Variants in PPM1L observed in about 807,000 individuals in gnomAD.
The protein encoded by PPM1L is protein phosphatase 1L.
PPM1L carries 13 observed loss-of-function variants against 31.4 expected under a neutral mutation model. The ratio of observed to expected loss-of-function variants is 0.41; its 90% CI spans 0.27 to 0.66. The LOEUF (loss-of-function observed/expected upper bound fraction) is 0.66. Among genes scored for constraint, PPM1L ranks in the 30% least tolerant of loss-of-function variants. The pLI, the probability that PPM1L is intolerant of heterozygous loss-of-function variation, is 0.29. For synonymous variants in PPM1L, 184 were observed against 175.4 expected (o/e 1.05, Z -0.39); for missense variants, 326 against 453.7 (o/e 0.72, Z 2.56).
chr3:161,065,292 C>T (rs1719701154), intron 2 of PPM1L, 111 bp from the exon 3 acceptor site: 1 of 1,037,912 alleles, frequency 9.6e-7, no homozygotes, highest in Non-Finnish European at 1.4e-6. Context: ...GAGTCAAATT[C>T]TCACCCAGCA....
chr3:161,009,761 A>G (rs1299527472), intron 2 of PPM1L, among the ~76,000 whole-genome samples: 4 of 152,134 alleles, frequency 2.6e-5, no homozygotes. Context: ...GGAAGTGATA[A>G]AAGCAAAGCT....
At chr3:160,980,707 A>AGAAG (rs61435486) in intron 2 of PPM1L, among the ~76,000 whole-genome samples, 1 of 121,230 alleles carries the variant, frequency 8.2e-6, no homozygotes, top group Non-Finnish European at 2.0e-5. Context: ...AAAGAGAGAG[A>AGAAG]AAAAAAAAGA....
At position 161,069,271 on chromosome 3, in the gene PPM1L, A is replaced by C; in HGVS notation, c.*114A>C. 1.2e-6 allele frequency: 1 copy of C among 802,522 alleles called. No individual in the cohort carries two copies. Among genetic ancestry groups the C allele is most frequent in the South Asian group, 1.9e-5 (1 of 53,896 alleles). 49.7% of individuals were successfully genotyped at this position (802,522 alleles called of 1,614,324 possible). On this transcript the variant is annotated 3_prime_UTR_variant, in exon 4 of 4. Transcript: ENST00000498165. Reference sequence around the variant, plus strand: ...TAGGATCATCCACCCCAGACATGGAATCCCCCCTCCCTGGTGGTCTTAGGT... The same window carrying C: ...TAGGATCATCCACCCCAGACATGGACTCCCCCCTCCCTGGTGGTCTTAGGT...
At chr3:160,976,443 G>A (rs1218822877) in intron 2 of PPM1L, among the ~76,000 whole-genome samples, 1 of 145,028 alleles carries the variant, frequency 6.9e-6, no homozygotes, top group East Asian at 2.0e-4. Flanking sequence ...AGTTTCAGAA[G>A]GAATGGTACC....
chr3:160,769,284 A>G (rs1715187420), intron 1 of PPM1L, among the ~76,000 whole-genome samples: 1 of 152,188 alleles, frequency 6.6e-6, no homozygotes, highest in South Asian at 2.1e-4. Context: ...GGGTTTAGAG[A>G]ATGTTGCTTG....
intron 2 of PPM1L, among the ~76,000 whole-genome samples, chr3:161,027,131 T>C (rs936401134): frequency 1.3e-5 from 2 of 152,226 alleles, no homozygotes; most frequent in African/African-American, 4.8e-5. Flanking sequence ...CAGAGGTATA[T>C]CTAACCACAT....
chr3:161,049,950 A>G (rs1394628974), intron 2 of PPM1L, among the ~76,000 whole-genome samples: 2 of 152,118 alleles, frequency 1.3e-5, no homozygotes, highest in Non-Finnish European at 2.9e-5. Context: ...GTGTTTCATA[A>G]TCAGCCTGTT....
chr3:160,920,285 A>G (rs1306798380), intron 1 of PPM1L, among the ~76,000 whole-genome samples: 1 of 152,116 alleles, frequency 6.6e-6, no homozygotes, highest in Non-Finnish European at 1.5e-5. Flanking sequence ...AATAAGGGCC[A>G]GGCCTCTAAG....
At chr3:160,999,166 AT>A (rs1559918592) in intron 2 of PPM1L, among the ~76,000 whole-genome samples, 1 of 152,174 alleles carries the variant, frequency 6.6e-6, no homozygotes, top group Non-Finnish European at 1.5e-5. Flanking sequence ...GTAGGAACTC[AT>A]TTAATCCTCA....
At chr3:160,960,165 CA>C (rs1715906262) in intron 1 of PPM1L, among the ~76,000 whole-genome samples, 1 of 150,640 alleles carries the variant, frequency 6.6e-6, no homozygotes, top group Admixed American at 6.6e-5. Flanking sequence ...ATATATATAT[CA>C]GTATGTATGT....
intron 1 of PPM1L, among the ~76,000 whole-genome samples, chr3:160,824,175 C>T (rs1309893911): frequency 6.6e-6 from 1 of 151,982 alleles, no homozygotes; most frequent in Admixed American, 6.6e-5. Flanking sequence ...GATTAGTGTG[C>T]CCTTCCTTAA....
At chr3:161,066,351 G>A (rs1394144021) in intron 3 of PPM1L, among the ~76,000 whole-genome samples, 1 of 152,138 alleles carries the variant, frequency 6.6e-6, no homozygotes, top group African/African-American at 2.4e-5. Context: ...AATTGGCATG[G>A]GGGTGAGGAA....
intron 1 of PPM1L, among the ~76,000 whole-genome samples, chr3:160,891,192 T>G (rs1324494955): frequency 6.6e-6 from 1 of 152,078 alleles, no homozygotes; most frequent in Non-Finnish European, 1.5e-5. Flanking sequence ...ACAGGTAACC[T>G]TCAGAATGGG....
chr3:160,966,024 T>C (rs780412402), intron 2 of PPM1L, among the ~76,000 whole-genome samples: 2 of 152,028 alleles, frequency 1.3e-5, no homozygotes, highest in Non-Finnish European at 2.9e-5. Flanking sequence ...TTAATACATA[T>C]ATACCTTAAT....
At chr3:160,849,356 A>T (rs1201665760) in intron 1 of PPM1L, among the ~76,000 whole-genome samples, 2 of 152,092 alleles carry the variant, frequency 1.3e-5, no homozygotes, top group Non-Finnish European at 2.9e-5. Context: ...TCCAAGTAGC[A>T]GTCAGAGGAC....
chr3:160,792,663 A>G (rs757824128), intron 1 of PPM1L, among the ~76,000 whole-genome samples: 15 of 152,184 alleles, frequency 9.9e-5, no homozygotes, highest in Non-Finnish European at 2.1e-4. Flanking sequence ...CTCATTTCAG[A>G]TACCAGCTGC....
intron 3 of PPM1L, among the ~76,000 whole-genome samples, chr3:161,068,362 G>A (rs1001290478): frequency 1.3e-5 from 2 of 152,088 alleles, no homozygotes; most frequent in African/African-American, 2.4e-5. Flanking sequence ...ATCCTATTTG[G>A]GGGGACAGAG....
At chr3:160,798,843 A>G (rs1712340884) in intron 1 of PPM1L, among the ~76,000 whole-genome samples, 1 of 152,222 alleles carries the variant, frequency 6.6e-6, no homozygotes, top group South Asian at 2.1e-4. Flanking sequence ...GGCAAAGCAC[A>G]TTGAAAAACT....
At chr3:160,779,245 C>G (rs571975948) in intron 1 of PPM1L, among the ~76,000 whole-genome samples, 3 of 152,240 alleles carry the variant, frequency 2.0e-5, no homozygotes, top group African/African-American at 7.2e-5. Flanking sequence ...TGTGGAGAAG[C>G]TAGGTGTCAG....
Sources: allele counts gnomAD v4.1 joint callset (sites outside exome capture counted in the v4.1 genomes callset), GRCh38; gene constraint gnomAD v4.1.1; transcripts MANE v1.5; gene names NCBI Gene and HGNC (gene_info 2026-07-23, HGNC 2026-07-21).